DDX42: variants seen among roughly 807,000 people sequenced by gnomAD.
The protein encoded by DDX42 is ATP-dependent RNA helicase DDX42.
In DDX42, 22 loss-of-function variants were observed where a neutral mutation model predicts 101.5. That is an observed-to-expected ratio of 0.22 (90% CI 0.15 to 0.31). The LOEUF is 0.31. DDX42 is among the 10% of genes least tolerant of loss of function. DDX42 has a pLI of 1.00. For missense variants in DDX42, 849 were observed against 1,199.9 expected (o/e 0.71, Z 4.32); for synonymous variants, 402 against 401.2 (o/e 1.00, Z -0.02).
At chr17:63,798,523 A>G (rs1196923958) in intron 4 of DDX42, among the ~76,000 whole-genome samples, 3 of 152,222 alleles carry the variant, frequency 2.0e-5, no homozygotes, top group Non-Finnish European at 4.4e-5. Context: ...TGAACAACAC[A>G]GGTTTGAACT....
chr17:63,774,699 C>G (rs549785519), intron 1 of DDX42: 9 of 152,392 alleles, frequency 5.9e-5, no homozygotes, highest in African/African-American at 1.9e-4. Context: ...GCAGGAATAG[C>G]GCGGGGAGAA....
chr17:63,788,367 C>T (rs566409073), intron 2 of DDX42, among the ~76,000 whole-genome samples: 3 of 145,916 alleles, frequency 2.1e-5, no homozygotes, highest in South Asian at 2.2e-4. Context: ...AATGCAGTAG[C>T]GCGATCTTGG....
rs1360214932 is a variant in DDX42, at chr17:63,818,529, G to A, written c.*131G>A. Reference sequence around the variant, plus strand: ...GCCCTTAGTGGAGAGCTGGAGCTTGGAGACATTACCCCTTCATCAGAAGGA... The same window carrying A: ...GCCCTTAGTGGAGAGCTGGAGCTTGAAGACATTACCCCTTCATCAGAAGGA... On this transcript the variant is annotated 3_prime_UTR_variant, in exon 18 of 18. Transcript: ENST00000389924. 1.3e-6 allele frequency: 1 copy of A among 796,296 alleles called. No individual in the cohort carries two copies. Among genetic ancestry groups the A allele is most frequent in the Non-Finnish European group, 1.9e-6 (1 of 518,032 alleles). The allele number at this position is 796,296 out of a possible 1,614,324, so 49.3% of individuals were successfully genotyped here.
chr17:63,802,737 C>T (rs1019236149), intron 6 of DDX42, among the ~76,000 whole-genome samples: 5 of 151,768 alleles, frequency 3.3e-5, no homozygotes, highest in African/African-American at 1.2e-4. Context: ...ATGGAGAAAC[C>T]CCATCTCTAC....
At chr17:63,798,164 T>C in intron 4 of DDX42, 65 bp downstream of exon 4, 4 of 1,478,666 alleles carry the variant, frequency 2.7e-6, no homozygotes, top group Non-Finnish European at 2.8e-6. Flanking sequence ...CAAAGTCTAT[T>C]CCCCCAAAGT....
intron 16 of DDX42, 76 bp from the exon 17 acceptor site, chr17:63,816,792 C>T: frequency 8.7e-7 from 1 of 1,152,502 alleles, no homozygotes; most frequent in African/African-American, 1.6e-5. Flanking sequence ...CAAGGGTTTT[C>T]ATAATGAGGC....
intron 1 of DDX42, among the ~76,000 whole-genome samples, chr17:63,786,711 T>C (rs2039551281): frequency 6.6e-6 from 1 of 152,258 alleles, no homozygotes; most frequent in Non-Finnish European, 1.5e-5. Flanking sequence ...GGAGTCTCGC[T>C]GTGTCGCCCA....
In DDX42 at chr17:63,810,436, T is replaced by TAGTA. The variant is rs1245723160; in HGVS notation, c.1253-77_1253-76insAGTA. 7 of 1,483,408 alleles carry TAGTA rather than the reference T, an allele frequency of 4.7e-6. No individual in the cohort carries two copies. In the Admixed American group the frequency reaches 1.3e-4, roughly 27 times the overall value. The allele number at this position is 1,483,408 out of a possible 1,614,324, so 91.9% of individuals were successfully genotyped here. On this transcript the variant is annotated intron_variant, in intron 11 of 17. Coordinates refer to ENST00000389924, the MANE Select transcript of DDX42 (RefSeq NM_203499.3). ...ATTCTTACAACTTCTTATGAAGACT[T>TAGTA]TTACTAATATGGCTTTTTCCAGGCT...
Position 63,787,108 on chromosome 17 carries a change from C to A in DDX42, c.59C>A (p.Ala20Asp). ...CGAGGATTTGGCTTTGGAGGTTTTG[C>A]CATCAGTGCTGGGAAAAAGGAGGAA... ...TKRGFGFGGF[A>D]ISAGKKEEPK... is the part of the protein sequence containing the mutation. Residue 20 changes from alanine (A) to aspartate (D), a missense_variant, in exon 2 of 18, where the codon GCC becomes GAC. Transcript: ENST00000389924. The A allele has an allele frequency of 5.0e-6, 8 of 1,614,182 alleles. No individual in the cohort carries two copies. Among genetic ancestry groups the A allele is most frequent in the Non-Finnish European group, 5.9e-6 (7 of 1,180,034 alleles).
At chr17:63,809,153 A>C (rs1272410065) in intron 10 of DDX42, among the ~76,000 whole-genome samples, 1 of 152,210 alleles carries the variant, frequency 6.6e-6, no homozygotes, top group Non-Finnish European at 1.5e-5. Context: ...AGTAGCTACA[A>C]ATTCCCCTCT....
In DDX42 at chr17:63,818,435, A is replaced by C. The variant is rs368713216; in HGVS notation, c.*37A>C. The C allele has an allele frequency of 2.0e-5, 31 of 1,573,690 alleles. No individual in the cohort carries two copies. The African/African-American group carries it at 3.9e-4, about 20-fold the overall frequency. On this transcript the variant is annotated 3_prime_UTR_variant, in exon 18 of 18. Coordinates refer to ENST00000389924, the MANE Select transcript of DDX42 (RefSeq NM_203499.3). ...TAAAGCGTGAAATCAGTTGTCCTTA[A>C]TTTTTAGAAAGATTTTGGTAACTAG...
chr17:63,807,984 A>C, intron 9 of DDX42, 84 bp downstream of exon 9: 1 of 1,382,998 alleles, frequency 7.2e-7, no homozygotes, highest in South Asian at 1.5e-5. Flanking sequence ...TGACCAGGAA[A>C]CTTTTTTTTT....
chr17:63,801,622 CA>C (rs2039771414), intron 6 of DDX42, among the ~76,000 whole-genome samples: 1 of 151,056 alleles, frequency 6.6e-6, no homozygotes, highest in Admixed American at 6.6e-5. Context: ...CTCTGCTTCC[CA>C]GGTTCATTTT....
intron 5 of DDX42, 142 bp downstream of exon 5, chr17:63,799,767 G>A: frequency 1.3e-6 from 1 of 772,416 alleles, no homozygotes; most frequent in Non-Finnish European, 2.0e-6. Context: ...TTTTGTACCT[G>A]TGTGACCAAT....
intron 9 of DDX42, 97 bp downstream of exon 9, chr17:63,807,997 A>G (rs1236973469): frequency 5.3e-5 from 63 of 1,179,854 alleles, no homozygotes; most frequent in Non-Finnish European, 7.2e-5. Context: ...TTTTTTTTTA[A>G]TTGTGATAAG....
chr17:63,816,987 T>C (rs2039984158), intron 17 of DDX42, 21 bp downstream of exon 17: 2 of 1,602,630 alleles, frequency 1.2e-6, no homozygotes, highest in Non-Finnish European at 1.7e-6. Flanking sequence ...AGCATTTCAT[T>C]AAAAGCACTT....
Position 63,774,377 on chromosome 17 carries a change from G to A in DDX42, c.-17+1G>A. 4.3e-6 allele frequency: 1 copy of A among 231,140 alleles called. No homozygotes were observed. The highest frequency in any genetic ancestry group is 8.4e-6 in the Non-Finnish European group (1 of 118,738). The allele number at this position is 231,140 out of a possible 1,614,324, so 14.3% of individuals were successfully genotyped here. On this transcript the variant is annotated splice_donor_variant, in intron 1 of 17. Coordinates refer to ENST00000389924, the MANE Select transcript of DDX42 (RefSeq NM_203499.3). LOFTEE classifies it low-confidence loss of function (5UTR_SPLICE). The stretch of plus-strand genomic sequence containing the variant: ...GCTGCCGCTGCAGCCATAGCAGCAG[G>A]TTTGTGCGTGGGGTTTCTGGACGCA...
At chr17:63,792,113 A>C (rs571938428) in intron 2 of DDX42, among the ~76,000 whole-genome samples, 1 of 151,826 alleles carries the variant, frequency 6.6e-6, no homozygotes, top group Non-Finnish European at 1.5e-5. Context: ...TTTATCTAAC[A>C]ATGGTCAGTA....
chr17:63,808,373 C>G (rs935072094), intron 9 of DDX42, among the ~76,000 whole-genome samples: 1 of 152,202 alleles, frequency 6.6e-6, no homozygotes, highest in Non-Finnish European at 1.5e-5. Flanking sequence ...GGGGTTTCAC[C>G]ATGTTGGCCA....
Sources: gnomAD v4.1 joint callset for allele counts (sites outside exome capture counted in the v4.1 genomes callset) on GRCh38, gnomAD v4.1.1 for gene constraint, MANE v1.5 for transcripts, NCBI Gene and HGNC (gene_info 2026-07-23, HGNC 2026-07-21) for gene names.